The following TENM1 variants were observed in gnomAD, a reference collection of about 807,000 sequenced individuals.
The protein encoded by TENM1 is teneurin transmembrane protein 1.
TENM1 carries 35 observed loss-of-function variants against 174.8 expected under a neutral mutation model. The observed-to-expected ratio is 0.20, with a 90% CI of 0.15 to 0.27. The LOEUF (loss-of-function observed/expected upper bound fraction) is 0.27, where lower values mean the gene tolerates loss of function less well. TENM1 is among the 10% of genes least tolerant of loss of function. The probability of loss-of-function intolerance (pLI) is 1.00; values close to 1 mark genes in which losing one functional copy is unlikely to be tolerated. For missense variants in TENM1, 1,633 were observed against 2,130.1 expected, an observed-to-expected ratio of 0.77 and a Z score of 4.59; for synonymous variants, 781 against 798.7, an observed-to-expected ratio of 0.98 and a Z score of 0.37.
At chrX:124,797,826 T>G (rs1355796032) in intron 3 of TENM1, among the ~76,000 whole-genome samples, 2 of 110,912 alleles carry the variant, frequency 1.8e-5, no homozygotes, top group Non-Finnish European at 3.8e-5. Context: ...TTAGATATTG[T>G]CCTAATGCTC....
At chrX:124,580,782 C>T (rs551038315) in intron 11 of TENM1, among the ~76,000 whole-genome samples, 3 of 110,549 alleles carry the variant, frequency 2.7e-5, no homozygotes, top group Middle Eastern at 9.3e-3. Context: ...TACCTAAGTA[C>T]ATTGCATAAT....
At chrX:124,603,730 C>G (rs946199779) in intron 11 of TENM1, among the ~76,000 whole-genome samples, 2 of 111,784 alleles carry the variant, frequency 1.8e-5, no homozygotes, top group Non-Finnish European at 3.8e-5. Context: ...TCAATCTAAA[C>G]TCAGACATTT....
At chrX:124,565,899 A>G (rs2148174739) in intron 11 of TENM1, among the ~76,000 whole-genome samples, 1 of 112,230 alleles carries the variant, frequency 8.9e-6, no homozygotes, top group Admixed American at 9.5e-5. Flanking sequence ...AAGAAACTCT[A>G]AAAAGAGGTA....
intron 3 of TENM1, among the ~76,000 whole-genome samples, chrX:124,841,591 G>C (rs753961240): frequency 9.5e-6 from 1 of 105,192 alleles, no homozygotes; most frequent in Non-Finnish European, 1.9e-5. Flanking sequence ...TAGCAGGTGA[G>C]TGTTGTGGCT....
At chrX:124,916,669 T>C (rs1433603482) in intron 1 of TENM1, among the ~76,000 whole-genome samples, 1 of 111,444 alleles carries the variant, frequency 9.0e-6, no homozygotes, top group Non-Finnish European at 1.9e-5. Context: ...TGGGTCATGA[T>C]GAGGGCTTCA....
At chrX:124,792,308 G>GT (rs770274363) in intron 3 of TENM1, among the ~76,000 whole-genome samples, 66 of 111,970 alleles carry the variant, frequency 5.9e-4, no homozygotes, top group Non-Finnish European at 1.1e-3. Context: ...CAGATTTCCA[G>GT]TAGGCATAGG....
At chrX:124,387,688 A>C (rs974829298) in intron 28 of TENM1, among the ~76,000 whole-genome samples, 1 of 112,344 alleles carries the variant, frequency 8.9e-6, no homozygotes, top group East Asian at 2.8e-4. Flanking sequence ...CCCTTCTGAG[A>C]ATTATTGACT....
At chrX:124,950,438 T>C (rs907866231) in intron 1 of TENM1, among the ~76,000 whole-genome samples, 1 of 112,025 alleles carries the variant, frequency 8.9e-6, no homozygotes, top group East Asian at 2.8e-4. Context: ...AGTGGAATTT[T>C]AGTAAAATGT....
At chrX:125,116,427 A>C in the TENM1 span, among the ~76,000 whole-genome samples, 7,957 of 111,875 alleles carry the variant, frequency 0.071, 700 homozygotes, top group African/African-American at 0.24. Flanking sequence ...CAGCAAAAGA[A>C]ACTATCATCA....
intron 3 of TENM1, among the ~76,000 whole-genome samples, chrX:124,874,263 AATGT>A (rs1209004004): frequency 9.0e-6 from 1 of 111,637 alleles, no homozygotes; most frequent in East Asian, 2.8e-4. Context: ...ATTTTCCAAA[AATGT>A]ATGTTATAAA....
At chrX:125,156,622 G>T in the TENM1 span, among the ~76,000 whole-genome samples, 4 of 112,100 alleles carry the variant, frequency 3.6e-5, no homozygotes, top group Non-Finnish European at 7.5e-5. Context: ...GTATTCAATA[G>T]TGTATATATA....
At chrX:124,392,888 C>T (rs2060296952) in intron 27 of TENM1, among the ~76,000 whole-genome samples, 1 of 111,479 alleles carries the variant, frequency 9.0e-6, no homozygotes, top group South Asian at 3.8e-4. Flanking sequence ...GGTTGCCTTG[C>T]CCTCTAGTTA....
intron 5 of TENM1, among the ~76,000 whole-genome samples, chrX:124,686,417 CA>C (rs948512004): frequency 1.3e-4 from 15 of 112,079 alleles, no homozygotes; most frequent in African/African-American, 3.2e-4. Flanking sequence ...TTAGAACATA[CA>C]AAAGCATAAA....
chrX:124,821,963 A>T (rs1055682015), intron 3 of TENM1, among the ~76,000 whole-genome samples: 1 of 111,883 alleles, frequency 8.9e-6, no homozygotes, highest in Non-Finnish European at 1.9e-5. Flanking sequence ...TTGTTCAAGA[A>T]TGATAATAAT....
chrX:125,017,861 G>T, the TENM1 span, among the ~76,000 whole-genome samples: 1 of 110,950 alleles, frequency 9.0e-6, no homozygotes, highest in African/African-American at 3.3e-5. Context: ...ACACACCGGA[G>T]CCTATCAGGG....
At chrX:124,410,843 C>T (rs1468358936) in intron 25 of TENM1, among the ~76,000 whole-genome samples, 1 of 112,180 alleles carries the variant, frequency 8.9e-6, no homozygotes, top group Non-Finnish European at 1.9e-5. Flanking sequence ...ATCATTCCTC[C>T]AGGAAAGCTG....
intron 3 of TENM1, among the ~76,000 whole-genome samples, chrX:124,824,872 C>A (rs185225175): frequency 4.2e-4 from 47 of 111,387 alleles, no homozygotes; most frequent in African/African-American, 1.4e-3. Context: ...ATGTCAGATT[C>A]ATGTTCCTCT....
At chrX:125,145,765 G>C in the TENM1 span, among the ~76,000 whole-genome samples, 9 of 112,170 alleles carry the variant, frequency 8.0e-5, no homozygotes, top group Non-Finnish European at 1.7e-4. Flanking sequence ...CTGGGAACTT[G>C]AGTTAGTTTG....
chrX:124,963,907 T>C, upstream of TENM1: 1 of 472,529 alleles, frequency 2.1e-6, no homozygotes, highest in Non-Finnish European at 3.6e-6. Context: ...GTCCTGATAA[T>C]ACCATCAAAG....
Sources: allele counts gnomAD v4.1 joint callset (sites outside exome capture counted in the v4.1 genomes callset), GRCh38; gene constraint gnomAD v4.1.1; transcripts MANE v1.5; gene names NCBI Gene and HGNC (gene_info 2026-07-23, HGNC 2026-07-21).